Variants in FGF14 observed in about 807,000 individuals in gnomAD.
FGF14 encodes the protein fibroblast growth factor 14, also known as fibroblast growth factor homologous factor 4.
In FGF14, 5 loss-of-function variants were observed where a neutral mutation model predicts 25.5. The observed-to-expected ratio is 0.20, with a 90% CI of 0.10 to 0.41. FGF14 has a LOEUF of 0.41. Ranked by LOEUF, FGF14 falls within the 10% of genes least tolerant of loss-of-function variation. The pLI, the probability that FGF14 is intolerant of heterozygous loss-of-function variation, is 1.00. For missense variants in FGF14, 222 were observed against 320.1 expected (o/e 0.69, Z 2.34); for synonymous variants, 138 against 118.3 (o/e 1.17, Z -1.08).
rs1164306280 is a variant in FGF14, at chr13:102,046,677, A to G, written c.209-171381T>C. Among the ~76,000 whole-genome samples the G allele has an allele frequency of 2.0e-5, 3 of 152,196 alleles. No individual in the cohort carries two copies. In the East Asian group the frequency reaches 5.8e-4, roughly 29 times the overall value. ...ATCCAATAAAAGGTGGAATATATTAAAAAGGTTTATTGAAATTACTTTATC... is the reference window on the plus strand; with the variant it reads ...ATCCAATAAAAGGTGGAATATATTAGAAAGGTTTATTGAAATTACTTTATC... On this transcript the variant is annotated intron_variant, in intron 1 of 4. Transcript: ENST00000376131.
In FGF14 at chr13:101,720,530, CTGTGTGTGTGTGTGTGTGTGTGTGTG is replaced by C. The variant is rs56200654; in HGVS notation, c.*2275_*2300del. The C allele has an allele frequency of 6.8e-6, 1 of 147,572 alleles. No homozygotes were observed. Among genetic ancestry groups the C allele is most frequent in the Non-Finnish European group, 1.5e-5 (1 of 66,886 alleles). 9.1% of individuals were successfully genotyped at this position (147,572 alleles called of 1,614,324 possible). A position where few individuals can be genotyped will look rare whatever the true frequency, so the allele number is the denominator to read the frequency against. On this transcript the variant is annotated 3_prime_UTR_variant, in exon 5 of 5. Transcript: ENST00000376143. ...TAACAAATAGATGGGGGTGTTTGCT[CTGTGTGTGTGTGTGTGTGTGTGTGTG>C]TGTGTGTGTATATGTGTGTGTTTGT... is the stretch of plus-strand genomic sequence containing the variant.
chr13:102,243,607 G>A (rs2051710183), intron 1 of FGF14, among the ~76,000 whole-genome samples: 1 of 150,020 alleles, frequency 6.7e-6, no homozygotes, highest in Non-Finnish European at 1.5e-5. Flanking sequence ...GGAAGACCAA[G>A]GTTTCAATTC....
chr13:101,875,039 T>C (rs144078402), intron 2 of FGF14, 147 bp downstream of exon 2: 125 of 689,262 alleles, frequency 1.8e-4, no homozygotes, highest in Non-Finnish European at 3.2e-4. Context: ...GTAGTTTAAA[T>C]AAAATTGTAA....
chr13:102,161,771 G>T (rs545534555), intron 1 of FGF14, among the ~76,000 whole-genome samples: 1 of 151,498 alleles, frequency 6.6e-6, no homozygotes, highest in East Asian at 1.9e-4. Context: ...AGCTCTATGT[G>T]GGCAGGAACT....
intron 1 of FGF14, among the ~76,000 whole-genome samples, chr13:102,015,477 C>G (rs937113984): frequency 2.0e-5 from 3 of 152,104 alleles, no homozygotes; most frequent in African/African-American, 7.2e-5. Flanking sequence ...ATCAATTATA[C>G]ATTAATTTTT....
At chr13:102,199,156 T>C (rs1025655061) in intron 1 of FGF14, among the ~76,000 whole-genome samples, 1 of 152,258 alleles carries the variant, frequency 6.6e-6, no homozygotes, top group Admixed American at 6.5e-5. Flanking sequence ...TGCTTCATAG[T>C]GGAAACTGTC....
At chr13:102,382,179 T>C (rs539613302) in intron 1 of FGF14, among the ~76,000 whole-genome samples, 1 of 152,216 alleles carries the variant, frequency 6.6e-6, no homozygotes, top group African/African-American at 2.4e-5. Context: ...GAGGACACCA[T>C]TAAGAAAGTG....
chr13:102,092,923 A>G (rs780665305), intron 1 of FGF14, among the ~76,000 whole-genome samples: 109 of 152,300 alleles, frequency 7.2e-4, no homozygotes, highest in Non-Finnish European at 1.0e-3. Flanking sequence ...AGGCAGCATG[A>G]AGCATAAGGT....
chr13:101,856,515 T>C (rs1294386237), intron 3 of FGF14, among the ~76,000 whole-genome samples: 2 of 151,924 alleles, frequency 1.3e-5, no homozygotes, highest in Non-Finnish European at 1.5e-5. Context: ...TAAATGGCAA[T>C]ATTTAAATAA....
intron 1 of FGF14, among the ~76,000 whole-genome samples, chr13:102,335,730 T>C (rs539540101): frequency 6.6e-6 from 1 of 152,272 alleles, no homozygotes; most frequent in South Asian, 2.1e-4. Context: ...AATTGAAGGT[T>C]TGTGGACTCT....
At chr13:101,902,144 G>A (rs986937203) in intron 1 of FGF14, among the ~76,000 whole-genome samples, 1 of 152,114 alleles carries the variant, frequency 6.6e-6, no homozygotes, top group Non-Finnish European at 1.5e-5. Flanking sequence ...TGCTTAAAGA[G>A]GACCATATAC....
chr13:102,084,892 C>A (rs2043817570), intron 1 of FGF14, among the ~76,000 whole-genome samples: 1 of 152,150 alleles, frequency 6.6e-6, no homozygotes, highest in Non-Finnish European at 1.5e-5. Context: ...TCAGAAATGG[C>A]TCCCCAAACC....
intron 1 of FGF14, among the ~76,000 whole-genome samples, chr13:102,258,972 ATGTG>A (rs1420397318): frequency 6.6e-6 from 1 of 152,160 alleles, no homozygotes; most frequent in Non-Finnish European, 1.5e-5. Context: ...TTTTACCTGT[ATGTG>A]TATTTTTTCT....
intron 1 of FGF14, among the ~76,000 whole-genome samples, chr13:102,258,285 T>TG (rs2052547707): frequency 6.6e-6 from 1 of 152,044 alleles, no homozygotes; most frequent in African/African-American, 2.4e-5. Flanking sequence ...CATATCAAGC[T>TG]GGGAGCACAG....
chr13:102,396,018 A>G (rs2139266493), intron 1 of FGF14, among the ~76,000 whole-genome samples: 1 of 152,292 alleles, frequency 6.6e-6, no homozygotes, highest in Non-Finnish European at 1.5e-5. Context: ...CAAAAGAGCT[A>G]TTGCATCTCT....
chr13:101,815,250 G>C (rs1326235098), intron 3 of FGF14, among the ~76,000 whole-genome samples: 1 of 152,148 alleles, frequency 6.6e-6, no homozygotes, highest in Non-Finnish European at 1.5e-5. Flanking sequence ...TGAAGTGGAG[G>C]GTGGAGTGAG....
intron 3 of FGF14, among the ~76,000 whole-genome samples, chr13:101,819,416 T>C (rs1233310794): frequency 6.6e-6 from 1 of 152,212 alleles, no homozygotes; most frequent in African/African-American, 2.4e-5. Flanking sequence ...GTGGGGAATC[T>C]TGCCCCAAAA....
At chr13:101,816,269 C>CAAAAAAAAAAAAAAAA (rs58615099) in intron 3 of FGF14, among the ~76,000 whole-genome samples, 13 of 89,030 alleles carry the variant, frequency 1.5e-4, no homozygotes, top group African/African-American at 5.5e-4. Context: ...GACTCCGTCT[C>CAAAAAAAAAAAAAAAA]AAAAAAAAAA....
chr13:102,168,566 T>C (rs1012402248), intron 1 of FGF14, among the ~76,000 whole-genome samples: 8 of 152,190 alleles, frequency 5.3e-5, no homozygotes, highest in African/African-American at 1.4e-4. Flanking sequence ...TTGATTAATG[T>C]GGTGTTAACA....
Sources: gnomAD v4.1 joint callset for allele counts (sites outside exome capture counted in the v4.1 genomes callset) on GRCh38, gnomAD v4.1.1 for gene constraint, MANE v1.5 for transcripts, NCBI Gene and HGNC (gene_info 2026-07-23, HGNC 2026-07-21) for gene names.